Variants in THSD7A observed in about 807,000 individuals in gnomAD.
The protein encoded by THSD7A is thrombospondin type-1 domain-containing protein 7A.
A neutral mutation model predicts 231.3 loss-of-function variants in THSD7A; 96 were observed. The ratio of observed to expected loss-of-function variants is 0.41; its 90% confidence interval spans 0.35 to 0.49. The LOEUF (loss-of-function observed/expected upper bound fraction) is 0.49, where lower values mean the gene tolerates loss of function less well. THSD7A is among the 20% of genes least tolerant of loss of function. The pLI is 0.05. For synonymous variants in THSD7A, 940 were observed against 743.3 expected, an observed-to-expected ratio of 1.26 and a Z score of -4.30; for missense variants, 2,290 against 2,070.2, an observed-to-expected ratio of 1.11 and a Z score of -2.06.
intron 16 of THSD7A, among the ~76,000 whole-genome samples, chr7:11,423,858 G>C (rs1489300343): frequency 6.6e-6 from 1 of 152,164 alleles, no homozygotes; most frequent in East Asian, 1.9e-4. Flanking sequence ...AGCCCTTAAG[G>C]ATCATGTGAT....
intron 6 of THSD7A, among the ~76,000 whole-genome samples, chr7:11,540,077 T>G (rs2128322147): frequency 6.6e-6 from 1 of 152,168 alleles, no homozygotes; most frequent in African/African-American, 2.4e-5. Flanking sequence ...TGCCAATCTC[T>G]GAGTGTTACT....
intron 1 of THSD7A, among the ~76,000 whole-genome samples, chr7:11,668,384 C>T (rs1009282768): frequency 2.6e-5 from 4 of 151,492 alleles, no homozygotes; most frequent in Non-Finnish European, 4.4e-5. Context: ...TGCCATTGCA[C>T]TCTGCCCTGG....
chr7:11,808,878 A>T (rs891753387), intron 1 of THSD7A, among the ~76,000 whole-genome samples: 4 of 152,134 alleles, frequency 2.6e-5, no homozygotes, highest in African/African-American at 9.7e-5. Context: ...TTCATAATAA[A>T]AAAGGTAATG....
intron 4 of THSD7A, among the ~76,000 whole-genome samples, chr7:11,550,387 T>A (rs961354647): frequency 6.6e-6 from 1 of 150,884 alleles, no homozygotes; most frequent in African/African-American, 2.5e-5. Flanking sequence ...GTGACATGGT[T>A]TTTTTCTGTG....
At chr7:11,574,052 A>T (rs1392360972) in intron 4 of THSD7A, among the ~76,000 whole-genome samples, 1 of 152,198 alleles carries the variant, frequency 6.6e-6, no homozygotes, top group Non-Finnish European at 1.5e-5. Context: ...GAGTGTTATG[A>T]TTAGAGACGT....
At chr7:11,782,168 G>A (rs1182561982) in intron 1 of THSD7A, among the ~76,000 whole-genome samples, 5 of 152,158 alleles carry the variant, frequency 3.3e-5, no homozygotes, top group African/African-American at 9.7e-5. Context: ...AAGTAGGTAT[G>A]TTCCCATCTG....
intron 1 of THSD7A, among the ~76,000 whole-genome samples, chr7:11,664,775 A>G (rs1157348903): frequency 2.0e-5 from 3 of 151,936 alleles, no homozygotes; most frequent in Non-Finnish European, 1.5e-5. Flanking sequence ...CCTTAACACC[A>G]TTTACTGAGA....
At chr7:11,429,363 C>T (rs889685409) in intron 13 of THSD7A, among the ~76,000 whole-genome samples, 1 of 152,176 alleles carries the variant, frequency 6.6e-6, no homozygotes, top group East Asian at 1.9e-4. Flanking sequence ...AGGATTCATG[C>T]TCACCATATT....
intron 6 of THSD7A, among the ~76,000 whole-genome samples, chr7:11,540,035 A>C (rs1789077064): frequency 6.6e-6 from 1 of 152,184 alleles, no homozygotes; most frequent in South Asian, 2.1e-4. Context: ...GTGTGAGTAA[A>C]AGAGAAACAG....
At chr7:11,762,953 T>C (rs983882570) in intron 1 of THSD7A, among the ~76,000 whole-genome samples, 1 of 152,150 alleles carries the variant, frequency 6.6e-6, no homozygotes, top group Non-Finnish European at 1.5e-5. Flanking sequence ...AAAAAAATTG[T>C]AAAATTCATA....
At chr7:11,449,252 T>G (rs574088699) in intron 11 of THSD7A, among the ~76,000 whole-genome samples, 2 of 152,154 alleles carry the variant, frequency 1.3e-5, no homozygotes, top group African/African-American at 4.8e-5. Flanking sequence ...GGTAATATAT[T>G]TTCACCTGCA....
chr7:11,455,183 G>C (rs1030698932), intron 11 of THSD7A, among the ~76,000 whole-genome samples: 2 of 151,940 alleles, frequency 1.3e-5, no homozygotes, highest in Non-Finnish European at 2.9e-5. Context: ...ATGACTGTCT[G>C]CAAGTCAGGA....
chr7:11,645,428 A>G (rs568042484), intron 1 of THSD7A, among the ~76,000 whole-genome samples: 14 of 151,962 alleles, frequency 9.2e-5, no homozygotes, highest in African/African-American at 3.4e-4. Context: ...TTTAAGGCTG[A>G]AATATATTTT....
At chr7:11,604,226 A>T (rs1214128793) in intron 2 of THSD7A, among the ~76,000 whole-genome samples, 2 of 152,108 alleles carry the variant, frequency 1.3e-5, no homozygotes, top group African/African-American at 4.8e-5. Context: ...AGTACTGATG[A>T]AGAAACTGAG....
chr7:11,684,103 C>G (rs1779937477), intron 1 of THSD7A, among the ~76,000 whole-genome samples: 1 of 151,824 alleles, frequency 6.6e-6, no homozygotes. Context: ...ATGTGATTCA[C>G]TACATAAACA....
At chr7:11,542,347 C>G (rs1280328197) in intron 5 of THSD7A, among the ~76,000 whole-genome samples, 1 of 152,122 alleles carries the variant, frequency 6.6e-6, no homozygotes, top group Non-Finnish European at 1.5e-5. Context: ...GTCTTTGAAA[C>G]AAAATTGAAA....
At chr7:11,588,615 G>C (rs142146231) in intron 4 of THSD7A, among the ~76,000 whole-genome samples, 10 of 151,984 alleles carry the variant, frequency 6.6e-5, no homozygotes, top group African/African-American at 2.2e-4. Context: ...GCAGTGGTTG[G>C]GGGGAGCTCT....
At chr7:11,652,405 T>C (rs1180998784) in intron 1 of THSD7A, among the ~76,000 whole-genome samples, 1 of 152,018 alleles carries the variant, frequency 6.6e-6, no homozygotes, top group Non-Finnish European at 1.5e-5. Context: ...CAAGACACTG[T>C]AGACACTGTA....
intron 13 of THSD7A, among the ~76,000 whole-genome samples, chr7:11,441,161 A>ATCCT (rs1784792036): frequency 6.6e-6 from 1 of 152,092 alleles, no homozygotes; most frequent in African/African-American, 2.4e-5. Flanking sequence ...TACTTAGGAT[A>ATCCT]CATCAGTGAA....
Sources: allele counts gnomAD v4.1 joint callset (sites outside exome capture counted in the v4.1 genomes callset), GRCh38; gene constraint gnomAD v4.1.1; transcripts MANE v1.5; gene names NCBI Gene and HGNC (gene_info 2026-07-23, HGNC 2026-07-21).